The following CTNNA3 variants were observed in gnomAD, a reference collection of about 807,000 sequenced individuals.
CTNNA3 encodes the protein catenin alpha-3.
In CTNNA3, 76 loss-of-function variants were observed where a neutral mutation model predicts 95.7. The ratio of observed to expected loss-of-function variants is 0.79; its 90% CI spans 0.66 to 0.96. CTNNA3 has a LOEUF of 0.96. Ranked by LOEUF, CTNNA3 falls within the 40% of genes least tolerant of loss-of-function variation. CTNNA3 has a pLI of 0.00. For missense variants in CTNNA3, 1,191 were observed against 1,089.8 expected, an observed-to-expected ratio of 1.09 and a Z score of -1.31; for synonymous variants, 431 against 374.4, an observed-to-expected ratio of 1.15 and a Z score of -1.74.
intron 5 of CTNNA3, among the ~76,000 whole-genome samples, chr10:67,315,146 T>A (rs1213011078): frequency 6.6e-6 from 1 of 152,242 alleles, no homozygotes; most frequent in Non-Finnish European, 1.5e-5. Context: ...CATGTCATAA[T>A]TGCCATCTTT....
Position 66,493,979 on chromosome 10 carries a change from C to A in CTNNA3, c.1531+26638G>T, listed in dbSNP as rs538273778. 2.3e-4 allele frequency among the ~76,000 whole-genome samples: 33 copies of A among 140,520 alleles called. No homozygotes were observed. In the South Asian group the frequency reaches 7.2e-3, roughly 31 times the overall value. The allele number at this position is 140,520 out of a possible 152,430, so 92.2% of individuals were successfully genotyped here. On this transcript the variant is annotated intron_variant, in intron 11 of 17. Transcript: ENST00000433211. Reference sequence around the variant, plus strand: ...CTGGAGTGCAGTGGCGCCACCTCGGCTCACTGCAACCTCCGCCTCCCGGGT... The same window carrying A: ...CTGGAGTGCAGTGGCGCCACCTCGGATCACTGCAACCTCCGCCTCCCGGGT...
intron 5 of CTNNA3, among the ~76,000 whole-genome samples, chr10:67,252,410 T>C (rs1866147684): frequency 6.6e-6 from 1 of 152,152 alleles, no homozygotes; most frequent in Non-Finnish European, 1.5e-5. Context: ...TGTACTGTTT[T>C]TTCCTATACA....
intron 10 of CTNNA3, among the ~76,000 whole-genome samples, chr10:66,586,050 G>A (rs1189869814): frequency 6.6e-6 from 1 of 152,072 alleles, no homozygotes; most frequent in Non-Finnish European, 1.5e-5. Flanking sequence ...TGGTTATAGA[G>A]AATCATTGTG....
chr10:67,527,179 C>A (rs1461753642), intron 4 of CTNNA3, among the ~76,000 whole-genome samples: 1 of 152,064 alleles, frequency 6.6e-6, no homozygotes, highest in East Asian at 1.9e-4. Flanking sequence ...ATTGCTTGAG[C>A]CCAGGAGGCA....
chr10:67,017,809 A>C (rs912829794), intron 7 of CTNNA3, among the ~76,000 whole-genome samples: 21 of 151,818 alleles, frequency 1.4e-4, no homozygotes, highest in African/African-American at 5.1e-4. Flanking sequence ...TCACTCTGTC[A>C]CCCAGGCTGG....
intron 13 of CTNNA3, among the ~76,000 whole-genome samples, chr10:66,231,588 C>T (rs1480133087): frequency 6.6e-6 from 1 of 152,046 alleles, no homozygotes; most frequent in African/African-American, 2.4e-5. Context: ...ACTAAGATAG[C>T]TTTATACAAT....
intron 16 of CTNNA3, among the ~76,000 whole-genome samples, chr10:65,987,346 C>G (rs12244949): frequency 0.28 from 41,730 of 151,586 alleles, 6,138 homozygotes; most frequent in Non-Finnish European, 0.33. Flanking sequence ...AAGAATAAAA[C>G]AAATTTAAAA....
chr10:67,341,816 T>A (rs184490893), intron 5 of CTNNA3, among the ~76,000 whole-genome samples: 3 of 152,150 alleles, frequency 2.0e-5, no homozygotes, highest in Admixed American at 1.3e-4. Flanking sequence ...CCACCAAGAG[T>A]GTACAATGAC....
chr10:66,451,489 T>C (rs2093464545), intron 11 of CTNNA3, among the ~76,000 whole-genome samples: 1 of 152,148 alleles, frequency 6.6e-6, no homozygotes, highest in Non-Finnish European at 1.5e-5. Flanking sequence ...TTTCAGATGC[T>C]ATATAAAAAT....
At chr10:66,907,599 A>G (rs1167963147) in intron 7 of CTNNA3, among the ~76,000 whole-genome samples, 2 of 152,136 alleles carry the variant, frequency 1.3e-5, no homozygotes, top group African/African-American at 4.8e-5. Context: ...CTAGCTCTCA[A>G]TATCCCATGT....
chr10:67,493,141 CG>C (rs1290118523), intron 5 of CTNNA3, among the ~76,000 whole-genome samples: 1 of 149,562 alleles, frequency 6.7e-6, no homozygotes, highest in African/African-American at 2.5e-5. Context: ...TTTTAAAAGG[CG>C]GGGGTTGCCT....
At chr10:66,483,880 AC>A (rs1225834722) in intron 11 of CTNNA3, among the ~76,000 whole-genome samples, 1 of 152,148 alleles carries the variant, frequency 6.6e-6, no homozygotes, top group Non-Finnish European at 1.5e-5. Context: ...AGAGAAAAAA[AC>A]TTAAAAAAAT....
At chr10:66,292,149 A>G (rs983863976) in intron 12 of CTNNA3, among the ~76,000 whole-genome samples, 19 of 151,888 alleles carry the variant, frequency 1.3e-4, no homozygotes, top group African/African-American at 4.3e-4. Context: ...TATGTTTCGT[A>G]TCATCAGTTT....
chr10:66,346,971 T>C (rs1018346777), intron 12 of CTNNA3, among the ~76,000 whole-genome samples: 3 of 151,402 alleles, frequency 2.0e-5, no homozygotes, highest in African/African-American at 7.3e-5. Flanking sequence ...AATATAAATC[T>C]TCGGTAGAAA....
intron 3 of CTNNA3, among the ~76,000 whole-genome samples, chr10:67,593,439 A>C (rs551520800): frequency 2.4e-4 from 37 of 152,228 alleles, no homozygotes; most frequent in Non-Finnish European, 4.7e-4. Context: ...TTCTTTCAGC[A>C]GCATTTTCTA....
chr10:67,040,706 T>C (rs1854338893), intron 7 of CTNNA3, among the ~76,000 whole-genome samples: 1 of 152,094 alleles, frequency 6.6e-6, no homozygotes, highest in Admixed American at 6.6e-5. Context: ...CTTCACTAGA[T>C]GCAGTAATAA....
rs889211508 is a variant in CTNNA3, at chr10:67,242,640, C to A, written c.580-22770G>T. Among the ~76,000 whole-genome samples, 7 of 152,278 alleles carry A rather than the reference C, an allele frequency of 4.6e-5. No individual in the cohort carries two copies. In the East Asian group the frequency reaches 1.4e-3, roughly 29 times the overall value. Reference sequence around the variant, plus strand: ...ATACTAGCACAGATGTTTCTGTGAGCCTTATTAATTCAGTCACCATGCTGT... The same window carrying A: ...ATACTAGCACAGATGTTTCTGTGAGACTTATTAATTCAGTCACCATGCTGT... On this transcript the variant is annotated intron_variant, in intron 5 of 17. Coordinates refer to ENST00000433211, the MANE Select transcript of CTNNA3 (RefSeq NM_013266.4).
At chr10:66,860,911 C>A (rs1261574773) in intron 7 of CTNNA3, among the ~76,000 whole-genome samples, 1 of 152,154 alleles carries the variant, frequency 6.6e-6, no homozygotes, top group East Asian at 1.9e-4. Flanking sequence ...AAATGGCCCA[C>A]CTCATAGCCC....
At chr10:67,591,180 A>C (rs1460774012) in intron 3 of CTNNA3, among the ~76,000 whole-genome samples, 1 of 152,156 alleles carries the variant, frequency 6.6e-6, no homozygotes, top group Non-Finnish European at 1.5e-5. Context: ...TTTCTCAGCA[A>C]GTTAGGAAGG....
Sources: allele counts gnomAD v4.1 joint callset (sites outside exome capture counted in the v4.1 genomes callset), GRCh38; gene constraint gnomAD v4.1.1; transcripts MANE v1.5; gene names NCBI Gene and HGNC (gene_info 2026-07-23, HGNC 2026-07-21).